Variants in EBF3 observed in about 807,000 individuals in gnomAD.
The protein encoded by EBF3 is transcription factor COE3.
EBF3 carries 18 observed loss-of-function variants against 77.1 expected under a neutral mutation model. That is an observed-to-expected ratio of 0.23 (90% CI 0.16 to 0.35). EBF3 has a LOEUF of 0.35. Among genes scored for constraint, EBF3 ranks in the 10% least tolerant of loss-of-function variants. The probability of loss-of-function intolerance (pLI) is 1.00; values close to 1 mark genes in which losing one functional copy is unlikely to be tolerated. For synonymous variants in EBF3, 350 were observed against 343.5 expected (o/e 1.02, Z -0.21); for missense variants, 558 against 860.0 (o/e 0.65, Z 4.39).
chr10:129,957,597 A>G (rs1333547953), intron 5 of EBF3, among the ~76,000 whole-genome samples: 1 of 152,168 alleles, frequency 6.6e-6, no homozygotes, highest in Non-Finnish European at 1.5e-5. Context: ...TATGGAAAAC[A>G]TGTTGTCGGT....
intron 6 of EBF3, among the ~76,000 whole-genome samples, chr10:129,945,906 T>C (rs927894159): frequency 2.6e-5 from 4 of 152,202 alleles, no homozygotes; most frequent in Non-Finnish European, 4.4e-5. Context: ...TAAGACATTG[T>C]TTCTCTGTGG....
At chr10:129,916,690 C>T (rs1855904757) in intron 6 of EBF3, among the ~76,000 whole-genome samples, 3 of 152,188 alleles carry the variant, frequency 2.0e-5, no homozygotes, top group Admixed American at 1.3e-4. Flanking sequence ...TCCAGCAAAG[C>T]TCAGGGCCTG....
intron 6 of EBF3, among the ~76,000 whole-genome samples, chr10:129,899,268 T>C (rs1008207265): frequency 6.6e-6 from 1 of 152,216 alleles, no homozygotes; most frequent in Non-Finnish European, 1.5e-5. Context: ...AAAAGCAGCG[T>C]GGTTAACTGC....
chr10:129,851,876 T>C (rs772881637), intron 10 of EBF3, among the ~76,000 whole-genome samples: 10 of 152,268 alleles, frequency 6.6e-5, no homozygotes, highest in Admixed American at 1.3e-4. Flanking sequence ...CTGTTTCAAA[T>C]ACATTATTCG....
intron 6 of EBF3, among the ~76,000 whole-genome samples, chr10:129,920,732 T>A (rs1014778602): frequency 1.3e-5 from 2 of 152,214 alleles, no homozygotes; most frequent in Non-Finnish European, 2.9e-5. Context: ...CCCCGCACTC[T>A]GTGTGTGGCA....
chr10:129,888,090 G>A (rs1853737995), intron 6 of EBF3, among the ~76,000 whole-genome samples: 2 of 152,226 alleles, frequency 1.3e-5, no homozygotes, highest in African/African-American at 4.8e-5. Flanking sequence ...TGCACAGGGA[G>A]AAGAACAGTT....
intron 7 of EBF3, among the ~76,000 whole-genome samples, chr10:129,876,754 T>A (rs1852797291): frequency 6.6e-6 from 1 of 152,192 alleles, no homozygotes; most frequent in African/African-American, 2.4e-5. Context: ...CCCAGACTAT[T>A]TTTACAATTA....
intron 6 of EBF3, among the ~76,000 whole-genome samples, chr10:129,936,461 G>A (rs1194953152): frequency 2.0e-5 from 3 of 152,234 alleles, no homozygotes; most frequent in Admixed American, 2.0e-4. Flanking sequence ...ACGGGAAGTA[G>A]GGCTGGCCTG....
chr10:129,877,620 G>C, intron 7 of EBF3, 148 bp downstream of exon 7: 1 of 630,428 alleles, frequency 1.6e-6, no homozygotes, highest in Non-Finnish European at 2.8e-6. Flanking sequence ...CATTTTATTT[G>C]CATATTTTTA....
At chr10:129,930,652 CT>C (rs1856953473) in intron 6 of EBF3, among the ~76,000 whole-genome samples, 1 of 147,852 alleles carries the variant, frequency 6.8e-6, no homozygotes, top group East Asian at 2.1e-4. Flanking sequence ...ACAAATCCCC[CT>C]CTCATATATC....
intron 6 of EBF3, among the ~76,000 whole-genome samples, chr10:129,922,766 G>T (rs1247347263): frequency 6.6e-6 from 1 of 152,238 alleles, no homozygotes; most frequent in Non-Finnish European, 1.5e-5. Context: ...GGGGCTGGGG[G>T]CTGACGGGAC....
chr10:129,840,549 AACATG>A, intron 14 of EBF3, 107 bp from the exon 15 acceptor site: 1 of 1,274,816 alleles, frequency 7.8e-7, no homozygotes, highest in South Asian at 1.4e-5. Flanking sequence ...ACGAAAACAA[AACATG>A]ACATGCGTCT....
intron 6 of EBF3, among the ~76,000 whole-genome samples, chr10:129,900,759 T>A (rs1854722586): frequency 2.0e-5 from 3 of 152,272 alleles, no homozygotes; most frequent in Admixed American, 2.0e-4. Context: ...CCTGAACTTC[T>A]GCATACAGAT....
intron 10 of EBF3, among the ~76,000 whole-genome samples, chr10:129,866,749 C>G (rs1165143146): frequency 6.6e-6 from 1 of 152,172 alleles, no homozygotes; most frequent in African/African-American, 2.4e-5. Flanking sequence ...GCAGTGACAC[C>G]ACGGGGAAGA....
intron 10 of EBF3, among the ~76,000 whole-genome samples, chr10:129,860,234 G>A (rs374059657): frequency 6.6e-6 from 1 of 151,820 alleles, no homozygotes; most frequent in Non-Finnish European, 1.5e-5. Context: ...GTGTGATCCC[G>A]CTCTACCCCC....
At chr10:129,896,740 G>A (rs1015921574) in intron 6 of EBF3, among the ~76,000 whole-genome samples, 3 of 152,230 alleles carry the variant, frequency 2.0e-5, no homozygotes, top group African/African-American at 4.8e-5. Context: ...CTCAGAGAAT[G>A]AGAAAAATGC....
chr10:129,845,731 G>A (rs144051922), intron 11 of EBF3: 28 of 146,812 alleles, frequency 1.9e-4, no homozygotes, highest in African/African-American at 5.8e-4. Flanking sequence ...CAACATGACC[G>A]CATTCCTAAT....
At chr10:129,876,718 C>A (rs1292124132) in intron 7 of EBF3, among the ~76,000 whole-genome samples, 1 of 152,218 alleles carries the variant, frequency 6.6e-6, no homozygotes, top group Non-Finnish European at 1.5e-5. Context: ...CCGCCAAATT[C>A]TTCTCTGGCT....
chr10:129,844,885 TTAA>T (rs1850345920), intron 11 of EBF3, among the ~76,000 whole-genome samples: 1 of 152,222 alleles, frequency 6.6e-6, no homozygotes. Context: ...TTCAGAGGTA[TTAA>T]TAATTACTCA....
Sources: gnomAD v4.1 joint callset for allele counts (sites outside exome capture counted in the v4.1 genomes callset) on GRCh38, gnomAD v4.1.1 for gene constraint, MANE v1.5 for transcripts, NCBI Gene and HGNC (gene_info 2026-07-23, HGNC 2026-07-21) for gene names.